The following SNTB1 variants were observed in gnomAD, a reference collection of about 807,000 sequenced individuals.
SNTB1 encodes the protein beta-1-syntrophin.
In SNTB1, 36 loss-of-function variants were observed where a neutral mutation model predicts 48.9. That is an observed-to-expected ratio of 0.74 (90% confidence interval 0.56 to 0.97). SNTB1 has a LOEUF of 0.97. Among genes scored for constraint, SNTB1 ranks in the 50% least tolerant of loss-of-function variants. The pLI is 0.00. For missense variants in SNTB1, 786 were observed against 703.4 expected (o/e 1.12, Z -1.33); for synonymous variants, 299 against 294.6 (o/e 1.01, Z -0.15).
intron 1 of SNTB1, among the ~76,000 whole-genome samples, chr8:120,757,168 T>C (rs1157544314): frequency 6.6e-6 from 1 of 152,178 alleles, no homozygotes; most frequent in Admixed American, 6.5e-5. Context: ...TTTCTCAAGG[T>C]CATACTTTTA....
chr8:120,792,123 A>C (rs1433186692), intron 1 of SNTB1, among the ~76,000 whole-genome samples: 2 of 151,588 alleles, frequency 1.3e-5, no homozygotes, highest in Non-Finnish European at 3.0e-5. Context: ...ACACACACCC[A>C]CACACACATA....
At chr8:120,692,425 G>C (rs780638868) in intron 2 of SNTB1, among the ~76,000 whole-genome samples, 2 of 152,146 alleles carry the variant, frequency 1.3e-5, no homozygotes, top group Non-Finnish European at 2.9e-5. Flanking sequence ...TAATGTGGAT[G>C]CAAAGGTCAC....
chr8:120,665,218 G>A (rs780148440), intron 2 of SNTB1, among the ~76,000 whole-genome samples: 8 of 152,180 alleles, frequency 5.3e-5, no homozygotes, highest in Non-Finnish European at 1.0e-4. Context: ...TTGGGAGGCC[G>A]AGGTGGGTGG....
chr8:120,625,639 C>T (rs1462253427), intron 3 of SNTB1, among the ~76,000 whole-genome samples: 1 of 152,178 alleles, frequency 6.6e-6, no homozygotes, highest in Non-Finnish European at 1.5e-5. Context: ...TGGGAAGATT[C>T]CCAAGCTGCT....
At chr8:120,626,565 A>T (rs189900757) in intron 3 of SNTB1, among the ~76,000 whole-genome samples, 4 of 152,352 alleles carry the variant, frequency 2.6e-5, no homozygotes, top group Admixed American at 2.0e-4. Flanking sequence ...AGTGAAGAGT[A>T]GTTTGAATAG....
chr8:120,571,091 G>T, intron 4 of SNTB1: 2 of 608,102 alleles, frequency 3.3e-6, no homozygotes, highest in Non-Finnish European at 4.6e-6. Flanking sequence ...GTTGACTGAT[G>T]AATGAATGAA....
At chr8:120,575,580 T>A (rs1171370864) in intron 3 of SNTB1, among the ~76,000 whole-genome samples, 1 of 152,234 alleles carries the variant, frequency 6.6e-6, no homozygotes. Flanking sequence ...GTAGCATTTT[T>A]TTTTATTATG....
Position 120,626,211 on chromosome 8 carries a change from G to GTA in SNTB1, c.996+6231_996+6232dup, listed in dbSNP as rs941058373. 2.0e-3 allele frequency among the ~76,000 whole-genome samples: 304 copies of GTA among 151,518 alleles called. 2 individuals are homozygous for GTA. Among genetic ancestry groups the GTA allele is most frequent in the Middle Eastern group, 0.01 (3 of 294 alleles). On this transcript the variant is annotated intron_variant, in intron 3 of 6. Transcript: ENST00000517992. ...TATGTAAGAATATAGACTATAGTAT[G>GTA]TATATATATATAGAGAGAGAGAGAT...
At chr8:120,768,930 C>G (rs1344722736) in intron 1 of SNTB1, 1 of 152,172 alleles carries the variant, frequency 6.6e-6, no homozygotes, top group African/African-American at 2.4e-5. Context: ...CAGTGGCTCC[C>G]CACCACAGGT....
At chr8:120,586,370 T>G (rs560053703) in intron 3 of SNTB1, among the ~76,000 whole-genome samples, 259 of 152,308 alleles carry the variant, frequency 1.7e-3, no homozygotes, top group Non-Finnish European at 2.7e-3. Context: ...TCAGACGTCC[T>G]GAAATTTTGG....
intron 1 of SNTB1, among the ~76,000 whole-genome samples, chr8:120,776,179 G>C (rs1015066467): frequency 5.3e-5 from 8 of 152,206 alleles, no homozygotes; most frequent in Admixed American, 2.6e-4. Context: ...AGAAACAGCA[G>C]AGCTCCTCAG....
chr8:120,703,509 A>T (rs911759603), intron 1 of SNTB1, among the ~76,000 whole-genome samples: 4 of 152,204 alleles, frequency 2.6e-5, no homozygotes, highest in African/African-American at 7.2e-5. Context: ...AGTATCAGTC[A>T]CTTGCCTAAG....
At position 120,811,953 on chromosome 8, in the gene SNTB1, G is replaced by C; in HGVS notation, c.-110C>G. Reference sequence around the variant, plus strand: ...GGGGAGCGAGGAGAGTGCGTCCCGCGGGGAGGTGGCGGCACGCGGGACTCC... The same window carrying C: ...GGGGAGCGAGGAGAGTGCGTCCCGCCGGGAGGTGGCGGCACGCGGGACTCC... On this transcript the variant is annotated 5_prime_UTR_variant, in exon 1 of 7. Transcript: ENST00000517992. 7.9e-7 allele frequency: 1 copy of C among 1,273,880 alleles called. No individual in the cohort carries two copies. The highest frequency in any genetic ancestry group is 9.9e-7 in the Non-Finnish European group (1 of 1,014,886). 78.9% of individuals were successfully genotyped at this position (1,273,880 alleles called of 1,614,324 possible).
intron 3 of SNTB1, among the ~76,000 whole-genome samples, chr8:120,600,809 A>G (rs1445278039): frequency 6.6e-6 from 1 of 151,754 alleles, no homozygotes; most frequent in Non-Finnish European, 1.5e-5. Context: ...GCACAGCTGC[A>G]GGGCTGTGGG....
At chr8:120,772,247 C>T (rs201447575) in intron 1 of SNTB1, among the ~76,000 whole-genome samples, 2 of 136,758 alleles carry the variant, frequency 1.5e-5, no homozygotes, top group African/African-American at 5.9e-5. Context: ...ACAATTTTTT[C>T]TTCTTTTTTT....
At chr8:120,755,170 G>T (rs1819296073) in intron 1 of SNTB1, among the ~76,000 whole-genome samples, 1 of 74,398 alleles carries the variant, frequency 1.3e-5, no homozygotes, top group Non-Finnish European at 2.3e-5. Flanking sequence ...GTGTGTGTGT[G>T]TGAGAGAGAG....
chr8:120,607,874 A>G (rs934598656), intron 3 of SNTB1, among the ~76,000 whole-genome samples: 2 of 152,038 alleles, frequency 1.3e-5, no homozygotes, highest in African/African-American at 4.8e-5. Flanking sequence ...TTAAGTCTGG[A>G]CCCTTGAAAG....
At chr8:120,677,383 G>A (rs942621752) in intron 2 of SNTB1, among the ~76,000 whole-genome samples, 3 of 152,156 alleles carry the variant, frequency 2.0e-5, no homozygotes, top group Non-Finnish European at 4.4e-5. Flanking sequence ...ATTAATCTAA[G>A]GATGCTATTT....
chr8:120,755,226 C>T (rs1294902902), intron 1 of SNTB1, among the ~76,000 whole-genome samples: 1 of 151,278 alleles, frequency 6.6e-6, no homozygotes, highest in Non-Finnish European at 1.5e-5. Flanking sequence ...AGGGTTCCAT[C>T]CAAGGGGATT....
Sources: gnomAD v4.1 joint callset for allele counts (sites outside exome capture counted in the v4.1 genomes callset) on GRCh38, gnomAD v4.1.1 for gene constraint, MANE v1.5 for transcripts, NCBI Gene and HGNC (gene_info 2026-07-23, HGNC 2026-07-21) for gene names.